The following LYST variants were observed in gnomAD, a reference collection of about 807,000 sequenced individuals.
LYST encodes lysosomal trafficking regulator.
Under a neutral mutation model 413.6 loss-of-function variants are expected in LYST, and 192 were observed. That is an observed-to-expected ratio of 0.46 (90% CI 0.41 to 0.52). The LOEUF (loss-of-function observed/expected upper bound fraction) is 0.52. Ranked by LOEUF, LYST falls within the 20% of genes least tolerant of loss-of-function variation. The pLI is 0.00. For synonymous variants in LYST, 1,525 were observed against 1,567.3 expected (o/e 0.97, Z 0.64); for missense variants, 3,815 against 4,499.9 (o/e 0.85, Z 4.35).
Position 235,678,022 on chromosome 1 carries a change from T to C in LYST, c.10801-403A>G, listed in dbSNP as rs189122857. On this transcript the variant is annotated intron_variant, in intron 48 of 52. Transcript: ENST00000389793. ...ACAATTTACAACTATCCTTCATTGA[T>C]AGACACTTAAAATTGTTTCTATTTT... Among the ~76,000 whole-genome samples the C allele has an allele frequency of 1.6e-4, 24 of 152,344 alleles. 1 individual carries two copies. Among genetic ancestry groups the C allele is most frequent in the South Asian group, 4.1e-4 (2 of 4,826 alleles).
rs6665568 is a variant in LYST at position 235,770,235 on chromosome 1, C to G, written c.5847G>C (p.Gln1949His). 0.01 allele frequency: 16,603 copies of G among 1,613,622 alleles called. 1,391 individuals carry two copies. The African/African-American group carries it at 0.19, about 18-fold the overall frequency. Reference sequence around the variant, plus strand: ...ATAACTGCTTAATATTAAACATCTGCTGGTGGTGATCTGCTCTGATGAGGA... The same window carrying G: ...ATAACTGCTTAATATTAAACATCTGGTGGTGGTGATCTGCTCTGATGAGGA... The part of the protein sequence containing the change: ...LEVLIRADHH[Q>H]QMFNIKQLLK... The change falls in exon 20 of 53, where the codon CAG (glutamine) becomes CAC (histidine). Residue 1949 changes from glutamine (Q) to histidine (H), a missense_variant. Gln to His is a conservative substitution (Grantham distance 24, BLOSUM62 0). This residue lies in a region of LYST where 530 missense variants were observed against 696.5 expected (regional missense o/e 0.76). Coordinates refer to ENST00000389793, the MANE Select transcript of LYST (RefSeq NM_000081.4).
chr1:235,666,269 C>T (rs996692492), intron 50 of LYST, among the ~76,000 whole-genome samples: 12 of 115,692 alleles, frequency 1.0e-4, no homozygotes, highest in Admixed American at 1.8e-4. Context: ...CACACACACA[C>T]AATTTTCTTT....
chr1:235,849,146 A>G (rs1369253093), intron 1 of LYST, among the ~76,000 whole-genome samples: 1 of 152,126 alleles, frequency 6.6e-6, no homozygotes, highest in Non-Finnish European at 1.5e-5. Flanking sequence ...AAATCCAAGA[A>G]CATGTCAAAA....
At chr1:235,713,645 T>C (rs1001451189) in intron 42 of LYST, among the ~76,000 whole-genome samples, 1 of 152,094 alleles carries the variant, frequency 6.6e-6, no homozygotes, top group Non-Finnish European at 1.5e-5. Flanking sequence ...CTGGCACTAG[T>C]AGGGAGAGAA....
intron 15 of LYST, 112 bp from the exon 16 acceptor site, chr1:235,781,167 C>G (rs1262353001): frequency 1.4e-6 from 1 of 715,134 alleles, no homozygotes; most frequent in East Asian, 2.7e-5. Context: ...CAGTTGTTCA[C>G]TATATTTTAT....
Position 235,830,183 on chromosome 1 carries a change from A to G in LYST, c.192+43T>C, listed in dbSNP as rs376863649. 6.1e-5 allele frequency: 86 copies of G among 1,409,910 alleles called. No homozygotes were observed. In the Middle Eastern group the frequency reaches 7.0e-4, roughly 12 times the overall value. The allele number at this position is 1,409,910 out of a possible 1,614,324, so 87.3% of individuals were successfully genotyped here. Reference sequence around the variant, plus strand: ...CAAAACCATGTAGCTACAGTTAACTATCATATATTGATGAAAGTAAGTATT... The same window carrying G: ...CAAAACCATGTAGCTACAGTTAACTGTCATATATTGATGAAAGTAAGTATT... On this transcript the variant is annotated intron_variant, in intron 3 of 52. Transcript: ENST00000389793.
At chr1:235,843,275 ATATT>A (rs1162259233) in intron 1 of LYST, among the ~76,000 whole-genome samples, 6 of 152,154 alleles carry the variant, frequency 3.9e-5, no homozygotes, top group African/African-American at 1.2e-4. Flanking sequence ...ATTTTAATAG[ATATT>A]TATTAATATG....
intron 1 of LYST, among the ~76,000 whole-genome samples, chr1:235,851,821 G>A (rs986859043): frequency 1.3e-5 from 2 of 152,018 alleles, no homozygotes; most frequent in East Asian, 3.9e-4. Flanking sequence ...GCAGATCAGG[G>A]AAAGATATGA....
chr1:235,844,469 G>C (rs1262498589), intron 1 of LYST, among the ~76,000 whole-genome samples: 1 of 152,142 alleles, frequency 6.6e-6, no homozygotes, highest in Non-Finnish European at 1.5e-5. Flanking sequence ...TACTATCCCA[G>C]TTGTCTTGGA....
chr1:235,802,780 A>T (rs1456938435), intron 8 of LYST, 128 bp downstream of exon 8: 4 of 825,216 alleles, frequency 4.8e-6, no homozygotes, highest in Admixed American at 4.2e-5. Flanking sequence ...ATCAATAAAA[A>T]GATTATGCAA....
intron 48 of LYST, among the ~76,000 whole-genome samples, chr1:235,682,189 TAGCCCC>T (rs1239772513): frequency 1.3e-5 from 2 of 152,154 alleles, no homozygotes; most frequent in African/African-American, 4.8e-5. Flanking sequence ...TGTGTGCCTG[TAGCCCC>T]AGCTATTGGT....
chr1:235,849,515 A>G (rs1404965689), intron 1 of LYST, among the ~76,000 whole-genome samples: 1 of 152,118 alleles, frequency 6.6e-6, no homozygotes, highest in Admixed American at 6.5e-5. Flanking sequence ...AGTCCTAGCC[A>G]GAGCAATCAG....
At chr1:235,802,784 T>C (rs1431492668) in intron 8 of LYST, 124 bp downstream of exon 8, 7 of 842,478 alleles carry the variant, frequency 8.3e-6, no homozygotes, top group East Asian at 2.6e-5. Flanking sequence ...ATAAAAAGAT[T>C]ATGCAACACA....
intron 17 of LYST, 26 bp downstream of exon 17, chr1:235,777,037 A>G (rs1265038954): frequency 6.2e-7 from 1 of 1,606,766 alleles, no homozygotes; most frequent in African/African-American, 1.3e-5. Context: ...TTCTCTTTAG[A>G]CAAAACTATA....
At position 235,834,623 on chromosome 1, in the gene LYST, C is replaced by T. The variant is rs12071503; in HGVS notation, c.-97-956G>A. 6.1e-3 allele frequency among the ~76,000 whole-genome samples: 924 copies of T among 152,266 alleles called. 7 individuals carry two copies. Among genetic ancestry groups the T allele is most frequent in the African/African-American group, 0.021 (880 of 41,556 alleles). On this transcript the variant is annotated intron_variant, in intron 1 of 52. Coordinates refer to ENST00000389793, the MANE Select transcript of LYST (RefSeq NM_000081.4). ...TCAGCTTGCCAACCAGTTCTTGTAC[C>T]ACACATTATTCTAGGCACTTGAAGA...
chr1:235,743,692 A>G (rs1018971905), intron 30 of LYST, among the ~76,000 whole-genome samples: 11 of 152,202 alleles, frequency 7.2e-5, no homozygotes, highest in African/African-American at 2.4e-4. Flanking sequence ...GTAGTCATCA[A>G]TGATGATGAT....
rs771779306 is a variant in LYST, at chr1:235,662,936, G to A, written c.*4C>T. On this transcript the variant is annotated 3_prime_UTR_variant, in exon 53 of 53. Coordinates refer to ENST00000389793, the MANE Select transcript of LYST (RefSeq NM_000081.4). ...GCTTTGGAGAACGTGAAGTTCATTCGCATTCACCCGGCTGCATAGCTGCTA... is the reference window on the plus strand; with the variant it reads ...GCTTTGGAGAACGTGAAGTTCATTCACATTCACCCGGCTGCATAGCTGCTA... 6.8e-6 allele frequency: 10 copies of A among 1,463,680 alleles called. No homozygotes were observed. Among genetic ancestry groups the A allele is most frequent in the South Asian group, 3.4e-5 (3 of 88,052 alleles). 90.7% of individuals were successfully genotyped at this position (1,463,680 alleles called of 1,614,324 possible).
At position 235,709,103 on chromosome 1, in the gene LYST, A is replaced by G. The variant is rs962795340; in HGVS notation, c.10131T>C (p.Val3377=). The G allele has an allele frequency of 1.2e-6, 2 of 1,613,870 alleles. No homozygotes were observed. The highest frequency in any genetic ancestry group is 2.7e-5 in the African/African-American group (2 of 74,908). The change falls in exon 44 of 53, where the codon GTT becomes GTC. Residue 3377 remains valine (V), a synonymous_variant. Coordinates refer to ENST00000389793, the MANE Select transcript of LYST (RefSeq NM_000081.4). Reference sequence around the variant, plus strand: ...AAGAGTCACTTACAGCAGGATGAAAAACATTGATCGCTTGAACAGAAGCCT... The same window carrying G: ...AAGAGTCACTTACAGCAGGATGAAAGACATTGATCGCTTGAACAGAAGCCT... ...KGKASVQAIN[V]FHPATYFGMD...
At chr1:235,827,350 A>C (rs1675445054) in intron 3 of LYST, 3 of 804,542 alleles carry the variant, frequency 3.7e-6, no homozygotes, top group Non-Finnish European at 4.5e-6. Flanking sequence ...GCCTGGGTGA[A>C]AAAGTGAGAC....
Sources: allele counts gnomAD v4.1 joint callset (sites outside exome capture counted in the v4.1 genomes callset), GRCh38; gene constraint gnomAD v4.1.1; regional missense constraint gnomAD v4.1.1; transcripts MANE v1.5; gene names NCBI Gene and HGNC (gene_info 2026-07-23, HGNC 2026-07-21).